ACYP2: variants seen among roughly 807,000 people sequenced by gnomAD.
The protein encoded by ACYP2 is acylphosphatase-2.
A neutral mutation model predicts 11.2 loss-of-function variants in ACYP2; 12 were observed. That is an observed-to-expected ratio of 1.08 (90% CI 0.69 to 1.74). The LOEUF is 1.74. Among genes scored for constraint, ACYP2 ranks in the 40% most tolerant of loss-of-function variants. The probability of loss-of-function intolerance (pLI) is 0.00; values close to 1 mark genes in which losing one functional copy is unlikely to be tolerated. For synonymous variants in ACYP2, 43 were observed against 32.2 expected (o/e 1.33, Z -1.13); for missense variants, 134 against 101.9 (o/e 1.31, Z -1.35).
Position 54,000,983 on chromosome 2 carries a change from T to C in ACYP2, c.62+27173T>C, listed in dbSNP as rs187197017. 1.1e-3 allele frequency among the ~76,000 whole-genome samples: 165 copies of C among 152,350 alleles called. 1 individual carries two copies. The highest frequency in any genetic ancestry group is 3.6e-3 in the African/African-American group (151 of 41,594). ...CTTGGCCACAGGCTGCTGTGACTGCTTTCAACTATAGCATAGCTTAAACCA... is the reference window on the plus strand; with the variant it reads ...CTTGGCCACAGGCTGCTGTGACTGCCTTCAACTATAGCATAGCTTAAACCA... On this transcript the variant is annotated intron_variant, in intron 2 of 6. Coordinates refer to ENST00000607452, the MANE Select transcript of ACYP2 (RefSeq NM_001320586.2).
chr2:54,091,489 TTTTATTTATTTATTTA>T (rs58827967), intron 4 of ACYP2, among the ~76,000 whole-genome samples: 9 of 143,656 alleles, frequency 6.3e-5, no homozygotes, highest in Admixed American at 1.4e-4. Context: ...ACTCTCTTGA[TTTTATTTATTTATTTA>T]TTTATTTATT....
At chr2:53,977,510 A>G (rs1671551936) in intron 2 of ACYP2, among the ~76,000 whole-genome samples, 1 of 151,324 alleles carries the variant, frequency 6.6e-6, no homozygotes, top group Non-Finnish European at 1.5e-5. Flanking sequence ...TGAGGTGGGC[A>G]GATCACGAGG....
At chr2:54,209,919 T>C (rs1228966829) in intron 6 of ACYP2, among the ~76,000 whole-genome samples, 6 of 152,010 alleles carry the variant, frequency 3.9e-5, no homozygotes, top group Admixed American at 3.9e-4. Flanking sequence ...GGCTGGCGGA[T>C]CGCTTGAGGC....
chr2:54,155,896 AG>A, intron 6 of ACYP2, among the ~76,000 whole-genome samples: 1 of 152,344 alleles, frequency 6.6e-6, no homozygotes, highest in Middle Eastern at 3.4e-3. Flanking sequence ...ACTGAGTCCT[AG>A]TTTCATAGCA....
chr2:54,001,368 TA>T (rs199846741), intron 2 of ACYP2, among the ~76,000 whole-genome samples: 4 of 151,142 alleles, frequency 2.6e-5, no homozygotes, highest in Admixed American at 6.6e-5. Context: ...ACCTCGTCTC[TA>T]AAAAAAAATA....
At chr2:54,171,642 GT>G (rs1012829011) in intron 6 of ACYP2, among the ~76,000 whole-genome samples, 4 of 151,134 alleles carry the variant, frequency 2.6e-5, no homozygotes, top group Non-Finnish European at 5.9e-5. Context: ...GAGGATCTTA[GT>G]TTTTTTTTCC....
At chr2:54,165,512 T>G (rs1212695828) in intron 6 of ACYP2, among the ~76,000 whole-genome samples, 2 of 67,048 alleles carry the variant, frequency 3.0e-5, no homozygotes, top group Non-Finnish European at 3.1e-5. Flanking sequence ...CTCTCTCTCT[T>G]TCACTCTCTC....
intron 6 of ACYP2, among the ~76,000 whole-genome samples, chr2:54,243,689 C>T (rs1227760847): frequency 6.6e-6 from 1 of 152,140 alleles, no homozygotes; most frequent in African/African-American, 2.4e-5. Flanking sequence ...CCTGCCTTAG[C>T]TTCCCAAGTA....
chr2:54,087,972 G>A (rs1678028833), intron 4 of ACYP2, among the ~76,000 whole-genome samples: 1 of 152,210 alleles, frequency 6.6e-6, no homozygotes, highest in South Asian at 2.1e-4. Context: ...CTTTTTGGAG[G>A]AGGAGTTCTT....
chr2:54,148,630 G>A (rs1241199636), intron 6 of ACYP2, among the ~76,000 whole-genome samples: 2 of 152,122 alleles, frequency 1.3e-5, no homozygotes, highest in African/African-American at 4.8e-5. Context: ...GTTGTCATCA[G>A]TATGTGGATA....
rs188224829 is a variant in ACYP2 at position 54,099,586 on chromosome 2, T to C, written c.278-35867T>C. ...GTGCAACACGATGTCCTCAGATTCA[T>C]CCATGTTGTCACGAATCACAGGATT... is the stretch of plus-strand genomic sequence containing the variant. On this transcript the variant is annotated intron_variant, in intron 4 of 6. Coordinates refer to ENST00000607452, the MANE Select transcript of ACYP2 (RefSeq NM_001320586.2). 5.6e-4 allele frequency among the ~76,000 whole-genome samples: 86 copies of C among 152,352 alleles called. No homozygotes were observed. In the Middle Eastern group the frequency reaches 0.021, roughly 36 times the overall value.
intron 6 of ACYP2, among the ~76,000 whole-genome samples, chr2:54,143,765 G>GA (rs372649536): frequency 8.0e-6 from 1 of 125,690 alleles, no homozygotes; most frequent in Non-Finnish European, 1.7e-5. Context: ...TTTGGGGGGG[G>GA]GGTATTCTAT....
At position 54,099,770 on chromosome 2, in the gene ACYP2, T is replaced by C. The variant is rs554206866; in HGVS notation, c.278-35683T>C. Among the ~76,000 whole-genome samples the C allele has an allele frequency of 2.0e-5, 3 of 152,350 alleles. No individual in the cohort carries two copies. The East Asian group carries it at 5.8e-4, about 29-fold the overall frequency. ...GTTGCAGTGAACTTGGGAATGCAGA[T>C]ATCTCTTCAACATACTGATTTTATA... On this transcript the variant is annotated intron_variant, in intron 4 of 6. Transcript: ENST00000607452.
At chr2:54,182,910 A>C (rs556504681) in intron 6 of ACYP2, among the ~76,000 whole-genome samples, 2 of 152,170 alleles carry the variant, frequency 1.3e-5, no homozygotes, top group Non-Finnish European at 2.9e-5. Flanking sequence ...CTTCATATGG[A>C]AAGGATAAAG....
At chr2:54,020,206 C>T (rs193111126) in intron 2 of ACYP2, among the ~76,000 whole-genome samples, 5 of 151,878 alleles carry the variant, frequency 3.3e-5, no homozygotes, top group East Asian at 1.9e-4. Flanking sequence ...CAAAGTGCTG[C>T]GATTACAGGC....
intron 3 of ACYP2, among the ~76,000 whole-genome samples, chr2:54,053,133 A>T (rs745385829): frequency 1.3e-5 from 2 of 152,236 alleles, no homozygotes; most frequent in Admixed American, 6.5e-5. Context: ...CTGTTGGCTC[A>T]GTATAAGTGC....
At chr2:54,088,771 T>C (rs577926917) in intron 4 of ACYP2, among the ~76,000 whole-genome samples, 1 of 152,114 alleles carries the variant, frequency 6.6e-6, no homozygotes, top group South Asian at 2.1e-4. Flanking sequence ...AGTTATGGAG[T>C]CTGCCAGAGT....
At chr2:54,273,111 C>T (rs1688388003) in intron 6 of ACYP2, among the ~76,000 whole-genome samples, 1 of 152,188 alleles carries the variant, frequency 6.6e-6, no homozygotes, top group Non-Finnish European at 1.5e-5. Flanking sequence ...CTTTCTGCTT[C>T]TGTTACAGCA....
chr2:54,154,746 T>G (rs1360965779), intron 6 of ACYP2, among the ~76,000 whole-genome samples: 2 of 152,204 alleles, frequency 1.3e-5, no homozygotes, highest in Non-Finnish European at 2.9e-5. Context: ...TTTCTCATAA[T>G]GTTCTTGTCT....
Sources: allele counts gnomAD v4.1 joint callset (sites outside exome capture counted in the v4.1 genomes callset), GRCh38; gene constraint gnomAD v4.1.1; transcripts MANE v1.5; gene names NCBI Gene and HGNC (gene_info 2026-07-23, HGNC 2026-07-21).